Variants in KIAA1671 observed in about 807,000 individuals in gnomAD.
KIAA1671 encodes the protein KIAA1671, also known as uncharacterized protein KIAA1671.
In KIAA1671, 52 loss-of-function variants were observed where a neutral mutation model predicts 131.2. The observed-to-expected ratio is 0.40, with a 90% CI of 0.32 to 0.50. The LOEUF (loss-of-function observed/expected upper bound fraction) is 0.50. Among genes scored for constraint, KIAA1671 ranks in the 20% least tolerant of loss-of-function variants. The pLI is 0.73. For synonymous variants in KIAA1671, 1,003 were observed against 961.6 expected (o/e 1.04, Z -0.80); for missense variants, 2,360 against 2,364.2 (o/e 1.00, Z 0.04).
chr22:24,971,821 C>T (rs980426245), intron 1 of KIAA1671, among the ~76,000 whole-genome samples: 3 of 152,076 alleles, frequency 2.0e-5, no homozygotes, highest in Admixed American at 2.0e-4. Flanking sequence ...CTGAGTGCTT[C>T]CTCAAACAGG....
In KIAA1671 at chr22:25,028,085, C is replaced by G; in HGVS notation, c.86C>G (p.Thr29Arg). The change falls in exon 3 of 13, where the codon ACG becomes AGG. Residue 29 changes from threonine (T) to arginine (R), a missense_variant. Transcript: ENST00000358431. The part of the protein sequence containing the change: ...LGEMGKEETL[T>R]RTYFLQAGEA... ...GAGATGGGCAAGGAGGAGACCCTGA[C>G]GAGGACCTACTTCCTCCAGGCCGGC... The G allele has an allele frequency of 1.2e-5, 19 of 1,551,060 alleles. No homozygotes were observed. The highest frequency in any genetic ancestry group is 1.6e-5 in the Non-Finnish European group (18 of 1,146,676).
At chr22:24,982,420 G>T (rs1923285719) in intron 1 of KIAA1671, among the ~76,000 whole-genome samples, 1 of 152,226 alleles carries the variant, frequency 6.6e-6, no homozygotes, top group African/African-American at 2.4e-5. Flanking sequence ...ACCTTCTCCT[G>T]GCTGGAATCA....
chr22:25,175,236 G>A (rs1568992452), intron 8 of KIAA1671: 1 of 152,090 alleles, frequency 6.6e-6, no homozygotes, highest in Non-Finnish European at 1.5e-5. Flanking sequence ...TATTCTCCTC[G>A]CGTAACAATA....
chr22:25,117,129 C>G (rs1323160541), intron 6 of KIAA1671, among the ~76,000 whole-genome samples: 2 of 152,188 alleles, frequency 1.3e-5, no homozygotes, highest in Non-Finnish European at 2.9e-5. Flanking sequence ...GGCAGAATCA[C>G]AATGCCCCCT....
chr22:25,026,931 A>C (rs2056929751), intron 2 of KIAA1671, among the ~76,000 whole-genome samples: 1 of 152,150 alleles, frequency 6.6e-6, no homozygotes, highest in Admixed American at 6.5e-5. Context: ...GCGAAAACAG[A>C]TCTCATAGCA....
chr22:25,192,180 G>A (rs1301426242), intron 12 of KIAA1671, among the ~76,000 whole-genome samples: 2 of 152,040 alleles, frequency 1.3e-5, no homozygotes, highest in Non-Finnish European at 1.5e-5. Context: ...ATTGAGACTG[G>A]AACCCTGACC....
chr22:25,057,642 C>CT (rs1927924899), intron 6 of KIAA1671: 1 of 114,942 alleles, frequency 8.7e-6, no homozygotes, highest in Non-Finnish European at 1.7e-5. Flanking sequence ...CTCTGCTGGG[C>CT]ATTTTTTTTT....
intron 6 of KIAA1671, among the ~76,000 whole-genome samples, chr22:25,105,824 G>A (rs538335085): frequency 6.6e-6 from 1 of 152,058 alleles, no homozygotes; most frequent in Non-Finnish European, 1.5e-5. Context: ...GAAGTTGGGG[G>A]GGGGGGGTGC....
chr22:25,016,265 C>T (rs932536857), intron 1 of KIAA1671, among the ~76,000 whole-genome samples: 25 of 152,108 alleles, frequency 1.6e-4, no homozygotes, highest in South Asian at 2.1e-4. Context: ...GTGATCCGCC[C>T]GCCTCGGCCT....
intron 1 of KIAA1671, among the ~76,000 whole-genome samples, chr22:24,992,279 C>T (rs2123848934): frequency 6.6e-6 from 1 of 152,290 alleles, no homozygotes; most frequent in South Asian, 2.1e-4. Context: ...TCTTAACTTT[C>T]AGGGTTCACA....
Position 25,028,810 on chromosome 22 carries a change from C to G in KIAA1671, c.811C>G (p.Pro271Ala). 6.4e-7 allele frequency: 1 copy of G among 1,551,106 alleles called. No homozygotes were observed. The highest frequency in any genetic ancestry group is 8.7e-7 in the Non-Finnish European group (1 of 1,146,942). Residue 271 changes from proline to alanine, a missense_variant, in exon 3 of 13, where the codon CCT becomes GCT. Pro to Ala is a conservative substitution (Grantham distance 27). Transcript: ENST00000358431. ...CACAGTGGGCAAAGTGCCACCCACCCCTCCCGAGAAGACGTGGGTGAGGAA... is the reference window on the plus strand; with the variant it reads ...CACAGTGGGCAAAGTGCCACCCACCGCTCCCGAGAAGACGTGGGTGAGGAA... ...AATVGKVPPT[P>A]PEKTWVRKPR...
chr22:25,108,017 TTA>T (rs1239113349), intron 6 of KIAA1671, among the ~76,000 whole-genome samples: 1 of 151,946 alleles, frequency 6.6e-6, no homozygotes, highest in Non-Finnish European at 1.5e-5. Context: ...CAAAAAAAAA[TTA>T]TAGATATCAG....
chr22:25,178,322 C>T lies in KIAA1671; in HGVS notation c.5074+800C>T, dbSNP rs1934114086. Among the ~76,000 whole-genome samples, 4 of 152,166 alleles carry T rather than the reference C, an allele frequency of 2.6e-5. No individual in the cohort carries two copies. The South Asian group carries it at 8.3e-4, about 32-fold the overall frequency. On this transcript the variant is annotated intron_variant, in intron 9 of 12. Transcript: ENST00000358431. ...CAAGTGGGAAGGGTGTGGGGGCTGG[C>T]TTGGGAACCTTACCCACTGCCCTTC...
intron 9 of KIAA1671, among the ~76,000 whole-genome samples, chr22:25,180,210 AG>A (rs1934217986): frequency 6.6e-6 from 1 of 152,230 alleles, no homozygotes; most frequent in South Asian, 2.1e-4. Flanking sequence ...CTAAGGAGTT[AG>A]ATTTCGTCTG....
chr22:24,982,365 GC>G (rs1923280750), intron 1 of KIAA1671, among the ~76,000 whole-genome samples: 1 of 152,226 alleles, frequency 6.6e-6, no homozygotes, highest in Admixed American at 6.5e-5. Flanking sequence ...AGCGTGATTA[GC>G]AAGTGTCGCG....
intron 6 of KIAA1671, among the ~76,000 whole-genome samples, chr22:25,123,958 T>C (rs1323967532): frequency 2.0e-5 from 3 of 152,232 alleles, no homozygotes; most frequent in African/African-American, 7.2e-5. Flanking sequence ...ATGCCTTGTC[T>C]TGCAGATGAG....
chr22:25,017,186 C>T (rs1025979591), intron 1 of KIAA1671, among the ~76,000 whole-genome samples: 9 of 152,280 alleles, frequency 5.9e-5, no homozygotes, highest in Admixed American at 2.6e-4. Flanking sequence ...AGTTCAAGAC[C>T]AGCCTGGCCA....
chr22:24,968,410 C>CAGCTGCA (rs950911649), intron 1 of KIAA1671, among the ~76,000 whole-genome samples: 1 of 152,126 alleles, frequency 6.6e-6, no homozygotes, highest in Non-Finnish European at 1.5e-5. Context: ...GCTGTGAATC[C>CAGCTGCA]AGCTGCAGCC....
intron 1 of KIAA1671, among the ~76,000 whole-genome samples, chr22:25,021,830 A>G (rs1378592666): frequency 6.6e-6 from 1 of 151,402 alleles, no homozygotes; most frequent in African/African-American, 2.4e-5. Flanking sequence ...TCTGTTGCCC[A>G]GGCTGGAGTG....
Sources: allele counts gnomAD v4.1 joint callset (sites outside exome capture counted in the v4.1 genomes callset), GRCh38; gene constraint gnomAD v4.1.1; transcripts MANE v1.5; gene names NCBI Gene and HGNC (gene_info 2026-07-23, HGNC 2026-07-21).